The following NKAIN3 variants were observed in gnomAD, a reference collection of about 807,000 sequenced individuals.
NKAIN3 encodes sodium/potassium transporting ATPase interacting 3, also known as sodium/potassium-transporting ATPase subunit beta-1-interacting protein 3.
Under a neutral mutation model 30.2 loss-of-function variants are expected in NKAIN3, and 25 were observed. The observed-to-expected ratio is 0.83, with a 90% confidence interval of 0.60 to 1.16. The LOEUF (loss-of-function observed/expected upper bound fraction) is 1.16, where lower values mean the gene tolerates loss of function less well. Ranked by LOEUF, NKAIN3 falls within the 50% of genes most tolerant of loss-of-function variation. NKAIN3 has a pLI of 0.00. For missense variants in NKAIN3, 225 were observed against 254.1 expected (o/e 0.89, Z 0.78); for synonymous variants, 91 against 89.6 (o/e 1.02, Z -0.09).
At chr8:62,769,253 A>T in intron 4 of NKAIN3, among the ~76,000 whole-genome samples, 1 of 152,238 alleles carries the variant, frequency 6.6e-6, no homozygotes, top group East Asian at 1.9e-4. Flanking sequence ...ACAAGGCACT[A>T]GTTAGAGCAT....
chr8:62,907,215 A>T (rs945704819), intron 4 of NKAIN3, among the ~76,000 whole-genome samples: 1 of 152,194 alleles, frequency 6.6e-6, no homozygotes, highest in Non-Finnish European at 1.5e-5. Context: ...TTAGGGTATC[A>T]GACGGAAGAA....
At chr8:62,507,596 T>C (rs555084853) in intron 1 of NKAIN3, among the ~76,000 whole-genome samples, 1 of 152,286 alleles carries the variant, frequency 6.6e-6, no homozygotes, top group East Asian at 1.9e-4. Flanking sequence ...ACTTTGTTAA[T>C]TGCAAACCAC....
chr8:62,412,769 G>A lies in NKAIN3; in HGVS notation c.54+163642G>A, dbSNP rs148028718. On this transcript the variant is annotated intron_variant, in intron 1 of 6. Transcript: ENST00000623646. ...TCTACTAAAAATACAAAAATTAGCCGAGCATAGTGGTGGGTGCCTGTAGCC... is the reference window on the plus strand; with the variant it reads ...TCTACTAAAAATACAAAAATTAGCCAAGCATAGTGGTGGGTGCCTGTAGCC... 5.9e-5 allele frequency among the ~76,000 whole-genome samples: 9 copies of A among 151,392 alleles called. No homozygotes were observed. In the East Asian group the frequency reaches 1.4e-3, roughly 23 times the overall value.
In NKAIN3 at chr8:62,966,609, A is replaced by G. The variant is rs1454280993; in HGVS notation, c.*1202A>G. The G allele has an allele frequency of 6.5e-6, 1 of 153,586 alleles. No individual in the cohort carries two copies. The highest frequency in any genetic ancestry group is 1.4e-5 in the Non-Finnish European group (1 of 69,278). The allele number at this position is 153,586 out of a possible 1,614,324, so 9.5% of individuals were successfully genotyped here. A position where few individuals can be genotyped will look rare whatever the true frequency, so the allele number is the denominator to read the frequency against. On this transcript the variant is annotated 3_prime_UTR_variant, in exon 7 of 7. Coordinates refer to ENST00000623646, the MANE Select transcript of NKAIN3 (RefSeq NM_001304533.3). ...AGGCAATGCCTACATTCTCACAGAC[A>G]ACCACTGTGCTAATTTTCATCATCA... is the stretch of plus-strand genomic sequence containing the variant.
At chr8:62,271,979 T>C (rs1298986636) in intron 1 of NKAIN3, among the ~76,000 whole-genome samples, 1 of 152,158 alleles carries the variant, frequency 6.6e-6, no homozygotes, top group Non-Finnish European at 1.5e-5. Context: ...ATGTGGCTAT[T>C]ATAGAGGCAG....
intron 1 of NKAIN3, chr8:62,344,732 G>T (rs1815873459): frequency 7.1e-6 from 2 of 280,538 alleles, no homozygotes; most frequent in Non-Finnish European, 1.4e-5. Context: ...ATTGACTGCT[G>T]TCAGTACTCC....
At chr8:62,258,275 C>A (rs56149981) in intron 1 of NKAIN3, among the ~76,000 whole-genome samples, 4,218 of 152,234 alleles carry the variant, frequency 0.028, 95 homozygotes, top group Middle Eastern at 0.075. Flanking sequence ...GGAAAATGAA[C>A]AAATCTACAT....
intron 1 of NKAIN3, among the ~76,000 whole-genome samples, chr8:62,394,302 A>G (rs942924161): frequency 6.6e-6 from 1 of 151,988 alleles, no homozygotes; most frequent in Non-Finnish European, 1.5e-5. Flanking sequence ...TTCTTCCTCT[A>G]CTAAGATAAT....
chr8:62,877,982 G>T (rs374458188), intron 4 of NKAIN3, among the ~76,000 whole-genome samples: 7 of 149,250 alleles, frequency 4.7e-5, no homozygotes, highest in African/African-American at 1.7e-4. Context: ...AGAGGTTGTG[G>T]TGAGTGGAGA....
In NKAIN3 at chr8:62,974,388, G is replaced by A. The variant is rs982257098; in HGVS notation, c.*8981G>A. Among the ~76,000 whole-genome samples the A allele has an allele frequency of 6.6e-6, 1 of 152,130 alleles. No individual in the cohort carries two copies. Among genetic ancestry groups the A allele is most frequent in the African/African-American group, 2.4e-5 (1 of 41,428 alleles). ...AAGAGGTCATTCACATCCCTTGTAA[G>A]TTGCATTCCTAGGTATTTTATTCTC... On this transcript the variant is annotated 3_prime_UTR_variant, in exon 7 of 7. Coordinates refer to ENST00000623646, the MANE Select transcript of NKAIN3 (RefSeq NM_001304533.3).
chr8:62,666,720 A>G (rs79258506), intron 3 of NKAIN3, among the ~76,000 whole-genome samples: 2,931 of 152,256 alleles, frequency 0.019, 92 homozygotes, highest in African/African-American at 0.067. Flanking sequence ...TGCCTTTCTC[A>G]AAAAGATAAT....
chr8:62,274,716 G>C (rs1389754344), intron 1 of NKAIN3, among the ~76,000 whole-genome samples: 1 of 151,806 alleles, frequency 6.6e-6, no homozygotes, highest in Admixed American at 6.6e-5. Flanking sequence ...TTTAGCATTA[G>C]GTTTATCTCC....
chr8:62,719,377 C>T (rs1815009948), intron 3 of NKAIN3, among the ~76,000 whole-genome samples: 2 of 152,084 alleles, frequency 1.3e-5, no homozygotes, highest in Admixed American at 1.3e-4. Flanking sequence ...TTTTGTGACC[C>T]ATTACTTCAT....
chr8:62,740,760 A>T (rs1260408676), intron 3 of NKAIN3, among the ~76,000 whole-genome samples: 1 of 152,128 alleles, frequency 6.6e-6, no homozygotes, highest in African/African-American at 2.4e-5. Context: ...AATTCTGGGT[A>T]TCTTTTTTAA....
rs116345645 is a variant in NKAIN3, at chr8:62,902,374, T to C, written c.472-16079T>C. ...ATGGGAATGTGGGACAGAGGTTGAA[T>C]AAGCAAGTCTGAGGTCAGCCTGAAT... On this transcript the variant is annotated intron_variant, in intron 4 of 6. Coordinates refer to ENST00000623646, the MANE Select transcript of NKAIN3 (RefSeq NM_001304533.3). 3.1e-3 allele frequency among the ~76,000 whole-genome samples: 467 copies of C among 152,314 alleles called. 2 individuals carry two copies. Among genetic ancestry groups the C allele is most frequent in the African/African-American group, 0.01 (436 of 41,586 alleles).
intron 1 of NKAIN3, among the ~76,000 whole-genome samples, chr8:62,268,475 A>G (rs2129391902): frequency 6.6e-6 from 1 of 152,306 alleles, no homozygotes; most frequent in Admixed American, 6.5e-5. Context: ...TCTCTCAGCA[A>G]GAAGGACTGG....
intron 1 of NKAIN3, among the ~76,000 whole-genome samples, chr8:62,513,406 G>C (rs1807873944): frequency 6.6e-6 from 1 of 151,822 alleles, no homozygotes; most frequent in Non-Finnish European, 1.5e-5. Context: ...CAAAAACATG[G>C]TCATAAATAT....
Position 62,981,982 on chromosome 8 carries a change from G to T in NKAIN3, c.*16575G>T, listed in dbSNP as rs1824093072. On this transcript the variant is annotated 3_prime_UTR_variant, in exon 7 of 7. Transcript: ENST00000623646. ...CAGATTAGAAACAGAGAATGAGAAA[G>T]GTATAGTAGATATTATGTAAATAAG... 1 of 152,072 alleles carries T rather than the reference G, an allele frequency of 6.6e-6. No homozygotes were observed. Among genetic ancestry groups the T allele is most frequent in the Admixed American group, 6.6e-5 (1 of 15,262 alleles). 9.4% of individuals were successfully genotyped at this position (152,072 alleles called of 1,614,324 possible).
chr8:62,574,996 G>A (rs532035368), intron 1 of NKAIN3, among the ~76,000 whole-genome samples: 35 of 151,918 alleles, frequency 2.3e-4, no homozygotes, highest in Non-Finnish European at 7.4e-5. Flanking sequence ...CATATACAAT[G>A]GACCAACAGC....
Sources: gnomAD v4.1 joint callset for allele counts (sites outside exome capture counted in the v4.1 genomes callset) on GRCh38, gnomAD v4.1.1 for gene constraint, MANE v1.5 for transcripts, NCBI Gene and HGNC (gene_info 2026-07-23, HGNC 2026-07-21) for gene names.